DNAH14: variants seen among roughly 807,000 people sequenced by gnomAD.
DNAH14 encodes dynein axonemal heavy chain 14, also known as axonemal beta dynein heavy chain 14.
A neutral mutation model predicts 520.9 loss-of-function variants in DNAH14; 478 were observed. The ratio of observed to expected loss-of-function variants is 0.92; its 90% CI spans 0.85 to 0.99. The LOEUF (loss-of-function observed/expected upper bound fraction) is 0.99, where lower values mean the gene tolerates loss of function less well. DNAH14 is among the 50% of genes least tolerant of loss of function. DNAH14 has a pLI of 0.00. For missense variants in DNAH14, 4,831 were observed against 5,234.5 expected (o/e 0.92, Z 2.38); for synonymous variants, 1,581 against 1,757.2 (o/e 0.90, Z 2.51).
intron 10 of DNAH14, among the ~76,000 whole-genome samples, chr1:225,017,706 C>G (rs2065326904): frequency 6.6e-6 from 1 of 152,228 alleles, no homozygotes; most frequent in South Asian, 2.1e-4. Context: ...CTTGGCCTCT[C>G]CAGCCCAGCT....
At chr1:225,250,179 T>G (rs1349873733) in intron 43 of DNAH14, among the ~76,000 whole-genome samples, 1 of 152,240 alleles carries the variant, frequency 6.6e-6, no homozygotes, top group Non-Finnish European at 1.5e-5. Context: ...GTCTACACTA[T>G]TCTACATTCC....
intron 27 of DNAH14, among the ~76,000 whole-genome samples, chr1:225,123,871 G>A (rs771968268): frequency 2.0e-5 from 3 of 152,024 alleles, no homozygotes; most frequent in Non-Finnish European, 4.4e-5. Context: ...TGCTGCCTCA[G>A]CCTCCTGAGT....
intron 55 of DNAH14, among the ~76,000 whole-genome samples, chr1:225,294,225 G>T (rs1440120770): frequency 6.6e-6 from 1 of 151,930 alleles, no homozygotes; most frequent in African/African-American, 2.4e-5. Flanking sequence ...TTCTGTTTAT[G>T]CAGTGTATCA....
At chr1:225,250,309 G>A (rs1486599751) in intron 43 of DNAH14, among the ~76,000 whole-genome samples, 1 of 152,152 alleles carries the variant, frequency 6.6e-6, no homozygotes. Context: ...ATCTCACTGT[G>A]GTTTTAATCT....
intron 52 of DNAH14, 31 bp downstream of exon 52, chr1:225,273,156 G>C: frequency 6.5e-7 from 1 of 1,530,240 alleles, no homozygotes. Flanking sequence ...TTATTGGCCG[G>C]GTGTGGTGGC....
chr1:225,079,190 T>C lies in DNAH14; in HGVS notation c.2425-17T>C, dbSNP rs1480411182. 1 of 1,521,670 alleles carries C rather than the reference T, an allele frequency of 6.6e-7. No individual in the cohort carries two copies. The highest frequency in any genetic ancestry group is 8.8e-7 in the Non-Finnish European group (1 of 1,136,884). The allele number at this position is 1,521,670 out of a possible 1,614,324, so 94.3% of individuals were successfully genotyped here. A position where few individuals can be genotyped will look rare whatever the true frequency, so the allele number is the denominator to read the frequency against. ...TGAAAAGTCATTACACAATTATAAT[T>C]GACATGTTGATTTCAGGTTGTGGAA... On this transcript the variant is annotated splice_polypyrimidine_tract_variant and intron_variant, in intron 17 of 85. Transcript: ENST00000682510.
intron 78 of DNAH14, among the ~76,000 whole-genome samples, chr1:225,375,884 G>A (rs567812659): frequency 6.6e-6 from 1 of 151,858 alleles, no homozygotes; most frequent in South Asian, 2.1e-4. Context: ...GCCAAGAGTT[G>A]GAGAGCAGCC....
intron 8 of DNAH14, among the ~76,000 whole-genome samples, chr1:224,975,120 C>T (rs542671952): frequency 2.0e-3 from 306 of 151,564 alleles, no homozygotes; most frequent in Non-Finnish European, 2.9e-3. Context: ...CTGCTGGATT[C>T]GGTTTGCCAG....
intron 54 of DNAH14, among the ~76,000 whole-genome samples, chr1:225,286,799 A>T (rs898002106): frequency 7.2e-5 from 11 of 152,232 alleles, no homozygotes; most frequent in African/African-American, 2.7e-4. Context: ...AACTTTATTC[A>T]TAATCACCAA....
At chr1:225,277,183 A>G (rs1038040447) in intron 53 of DNAH14, among the ~76,000 whole-genome samples, 1 of 151,412 alleles carries the variant, frequency 6.6e-6, no homozygotes, top group Non-Finnish European at 1.5e-5. Flanking sequence ...TCTTCTCTCA[A>G]TTCTACCACC....
At chr1:225,172,369 G>A (rs952676546) in intron 36 of DNAH14, among the ~76,000 whole-genome samples, 60 of 152,230 alleles carry the variant, frequency 3.9e-4, no homozygotes, top group African/African-American at 1.3e-3. Context: ...AAACCCCATC[G>A]TCTCAGCCCA....
chr1:225,273,434 G>A (rs894807164), intron 52 of DNAH14, among the ~76,000 whole-genome samples: 7 of 152,344 alleles, frequency 4.6e-5, no homozygotes, highest in East Asian at 1.9e-4. Flanking sequence ...GCGAGACTCC[G>A]TCTCAAAACA....
chr1:224,963,841 T>C (rs932692960), intron 4 of DNAH14, among the ~76,000 whole-genome samples: 1 of 152,158 alleles, frequency 6.6e-6, no homozygotes, highest in African/African-American at 2.4e-5. Context: ...CATTTCATCC[T>C]TAGCAAAGAA....
At position 225,100,645 on chromosome 1, in the gene DNAH14, A is replaced by G. The variant is rs115881102; in HGVS notation, c.3696-68A>G. The G allele has an allele frequency of 2.5e-4, 305 of 1,209,914 alleles. No individual in the cohort carries two copies. The African/African-American group carries it at 4.4e-3, about 17-fold the overall frequency. The allele number at this position is 1,209,914 out of a possible 1,614,324, so 74.9% of individuals were successfully genotyped here. ...CTCAAACAGTATTCCGTGGCAATGCATTACATTATAGATTTTAATCATAGT... is the reference window on the plus strand; with the variant it reads ...CTCAAACAGTATTCCGTGGCAATGCGTTACATTATAGATTTTAATCATAGT... On this transcript the variant is annotated intron_variant, in intron 22 of 85. Transcript: ENST00000682510.
chr1:225,274,197 A>ATTTTTTTTTTTTTTTT (rs869247051), intron 52 of DNAH14, among the ~76,000 whole-genome samples: 14 of 92,884 alleles, frequency 1.5e-4, no homozygotes, highest in African/African-American at 4.4e-4. Flanking sequence ...AGCATCTGTT[A>ATTTTTTTTTTTTTTTT]TTTTTTTTTT....
intron 1 of DNAH14, among the ~76,000 whole-genome samples, chr1:224,937,732 G>C (rs1189833301): frequency 6.6e-6 from 1 of 151,978 alleles, no homozygotes; most frequent in African/African-American, 2.4e-5. Flanking sequence ...AAAAGATTCT[G>C]AATAGCCAAA....
chr1:225,101,176 A>G (rs1471304167), intron 23 of DNAH14, among the ~76,000 whole-genome samples: 4 of 151,846 alleles, frequency 2.6e-5, no homozygotes, highest in Non-Finnish European at 5.9e-5. Context: ...AATATAAGAA[A>G]TGACTTCTTT....
chr1:224,975,179 G>A (rs7413344), intron 8 of DNAH14, among the ~76,000 whole-genome samples: 151,735 of 151,828 alleles, frequency 1, 75,821 homozygotes, highest in Middle Eastern at 1. Flanking sequence ...ATATTGGTCT[G>A]AAATTCTCTT....
chr1:225,372,811 A>G (rs888146443), intron 77 of DNAH14, among the ~76,000 whole-genome samples: 5 of 140,596 alleles, frequency 3.6e-5, no homozygotes, highest in Non-Finnish European at 8.2e-5. Flanking sequence ...GAGAGTTAAT[A>G]TCTGTGACAT....
Sources: allele counts gnomAD v4.1 joint callset (sites outside exome capture counted in the v4.1 genomes callset), GRCh38; gene constraint gnomAD v4.1.1; transcripts MANE v1.5; gene names NCBI Gene and HGNC (gene_info 2026-07-23, HGNC 2026-07-21).